Variants in SENP7 observed in about 807,000 individuals in gnomAD.
SENP7 encodes SUMO specific peptidase 7.
A neutral mutation model predicts 141.2 loss-of-function variants in SENP7; 64 were observed. The observed-to-expected ratio is 0.45, with a 90% confidence interval of 0.37 to 0.56. The LOEUF (loss-of-function observed/expected upper bound fraction) is 0.56. SENP7 is among the 20% of genes least tolerant of loss of function. The probability of loss-of-function intolerance (pLI) is 0.00; values close to 1 mark genes in which losing one functional copy is unlikely to be tolerated. For missense variants in SENP7, 1,025 were observed against 1,212.2 expected (o/e 0.85, Z 2.29); for synonymous variants, 382 against 426.4 (o/e 0.90, Z 1.28).
At chr3:101,402,716 G>A (rs575328488) in intron 5 of SENP7, among the ~76,000 whole-genome samples, 8 of 151,458 alleles carry the variant, frequency 5.3e-5, no homozygotes, top group East Asian at 1.9e-4. Flanking sequence ...TGTTTACAGC[G>A]TGGATCACTG....
intron 6 of SENP7, among the ~76,000 whole-genome samples, chr3:101,374,050 A>G (rs772696394): frequency 6.6e-6 from 1 of 152,260 alleles, no homozygotes; most frequent in African/African-American, 2.4e-5. Flanking sequence ...CCAAGCAAAT[A>G]TACTTTAAAA....
chr3:101,357,912 C>T, intron 11 of SENP7: 1 of 604,162 alleles, frequency 1.7e-6, no homozygotes, highest in Non-Finnish European at 2.9e-6. Flanking sequence ...ATAATTCACA[C>T]TGGAGAGAAA....
chr3:101,498,770 A>T (rs2065256813), intron 2 of SENP7, among the ~76,000 whole-genome samples: 1 of 152,090 alleles, frequency 6.6e-6, no homozygotes, highest in South Asian at 2.1e-4. Context: ...TAGGGCCTGC[A>T]CTACCCCTCC....
chr3:101,376,667 G>A (rs1171924224), intron 6 of SENP7, among the ~76,000 whole-genome samples: 1 of 152,066 alleles, frequency 6.6e-6, no homozygotes, highest in Non-Finnish European at 1.5e-5. Flanking sequence ...ATAGCATTAG[G>A]AGATACACCT....
intron 3 of SENP7, among the ~76,000 whole-genome samples, chr3:101,485,291 GGA>G (rs2064679596): frequency 1.3e-5 from 2 of 152,186 alleles, no homozygotes; most frequent in African/African-American, 4.8e-5. Flanking sequence ...CCTCCTGGCA[GGA>G]GGTCAACCAG....
intron 10 of SENP7, 118 bp downstream of exon 10, chr3:101,364,716 T>C: frequency 1.4e-6 from 1 of 705,428 alleles, no homozygotes; most frequent in Non-Finnish European, 2.2e-6. Context: ...GTCTGAAAAT[T>C]CAAACTAAGA....
At chr3:101,474,014 G>T (rs1303951662) in intron 3 of SENP7, among the ~76,000 whole-genome samples, 1 of 152,066 alleles carries the variant, frequency 6.6e-6, no homozygotes, top group African/African-American at 2.4e-5. Flanking sequence ...GCTTGTTTTT[G>T]TCAGGTTTGC....
chr3:101,480,989 G>A, intron 3 of SENP7, among the ~76,000 whole-genome samples: 1 of 150,170 alleles, frequency 6.7e-6, no homozygotes, highest in Non-Finnish European at 1.5e-5. Context: ...ATGCTGGTGA[G>A]GATGCAGGAA....
chr3:101,450,684 C>T (rs886950745), intron 4 of SENP7, among the ~76,000 whole-genome samples: 2 of 152,110 alleles, frequency 1.3e-5, no homozygotes, highest in South Asian at 2.1e-4. Flanking sequence ...AGACACAACA[C>T]ACCAGAATCT....
At chr3:101,361,654 A>T (rs2059905508) in intron 11 of SENP7, 61 bp downstream of exon 11, 2 of 1,443,434 alleles carry the variant, frequency 1.4e-6, no homozygotes, top group Non-Finnish European at 1.8e-6. Context: ...AAAAAAGGAA[A>T]AAAATTAAAA....
chr3:101,405,391 A>G (rs2061271444), intron 5 of SENP7, among the ~76,000 whole-genome samples: 1 of 152,170 alleles, frequency 6.6e-6, no homozygotes, highest in African/African-American at 2.4e-5. Flanking sequence ...CGAGAGTACT[A>G]TAATAAGGGA....
At chr3:101,485,857 A>G (rs1486209714) in intron 3 of SENP7, among the ~76,000 whole-genome samples, 1 of 152,196 alleles carries the variant, frequency 6.6e-6, no homozygotes, top group African/African-American at 2.4e-5. Flanking sequence ...AGGAAATCCA[A>G]AAAATGATAC....
intron 4 of SENP7, chr3:101,457,773 T>C: frequency 1.5e-6 from 1 of 677,030 alleles, no homozygotes. Flanking sequence ...CTAGGGTTGG[T>C]GCTAAGAGGG....
Position 101,371,101 on chromosome 3 carries a change from G to A in SENP7, c.796+907C>T, listed in dbSNP as rs150531094. Among the ~76,000 whole-genome samples the A allele has an allele frequency of 3.6e-3, 549 of 152,232 alleles. 3 individuals carry two copies. The highest frequency in any genetic ancestry group is 6.2e-3 in the Non-Finnish European group (420 of 68,014). On this transcript the variant is annotated intron_variant, in intron 7 of 23. Coordinates refer to ENST00000394095, the MANE Select transcript of SENP7 (RefSeq NM_020654.5). ...GCCCAGGAGTTTGAGACCAGCCTGG[G>A]CAACACGGCAAGACCTTGTCTCTGC...
chr3:101,431,167 G>A (rs1268366743), intron 4 of SENP7, among the ~76,000 whole-genome samples: 1 of 152,180 alleles, frequency 6.6e-6, no homozygotes, highest in African/African-American at 2.4e-5. Flanking sequence ...TTGATTTGGG[G>A]TGAAGAGTTC....
chr3:101,334,678 T>C (rs2059139402), intron 17 of SENP7, among the ~76,000 whole-genome samples: 1 of 152,228 alleles, frequency 6.6e-6, no homozygotes, highest in Admixed American at 6.5e-5. Flanking sequence ...ATAATCAGTA[T>C]AAACAATTAC....
chr3:101,464,737 C>G (rs1208542885), intron 3 of SENP7, among the ~76,000 whole-genome samples: 2 of 152,006 alleles, frequency 1.3e-5, no homozygotes, highest in African/African-American at 4.8e-5. Context: ...TTGAATCATT[C>G]CAAAACCATC....
chr3:101,356,752 T>C (rs1024349255), intron 11 of SENP7, among the ~76,000 whole-genome samples: 7 of 152,226 alleles, frequency 4.6e-5, no homozygotes, highest in African/African-American at 1.7e-4. Flanking sequence ...TCCAAATTCA[T>C]TACATTTGCA....
intron 5 of SENP7, among the ~76,000 whole-genome samples, chr3:101,413,181 C>T (rs566631918): frequency 7.2e-4 from 109 of 152,074 alleles, no homozygotes; most frequent in African/African-American, 2.3e-3. Flanking sequence ...AATGTTTCTC[C>T]CTCTTATCTT....
Sources: allele counts gnomAD v4.1 joint callset (sites outside exome capture counted in the v4.1 genomes callset), GRCh38; gene constraint gnomAD v4.1.1; transcripts MANE v1.5; gene names NCBI Gene and HGNC (gene_info 2026-07-23, HGNC 2026-07-21).